STX6: variants seen among roughly 807,000 people sequenced by gnomAD.
STX6 encodes the protein syntaxin 6, also known as syntaxin-6.
In STX6, 23 loss-of-function variants were observed where a neutral mutation model predicts 38.0. That is an observed-to-expected ratio of 0.60 (90% CI 0.43 to 0.86). The LOEUF (loss-of-function observed/expected upper bound fraction) is 0.86. STX6 is among the 40% of genes least tolerant of loss of function. The pLI is 0.00. For missense variants in STX6, 274 were observed against 312.9 expected, an observed-to-expected ratio of 0.88 and a Z score of 0.94; for synonymous variants, 123 against 107.5, an observed-to-expected ratio of 1.14 and a Z score of -0.89.
intron 2 of STX6, among the ~76,000 whole-genome samples, chr1:181,004,237 G>A (rs952262435): frequency 1.3e-5 from 2 of 152,096 alleles, no homozygotes; most frequent in African/African-American, 2.4e-5. Context: ...ATGCAAATTC[G>A]GTCTCTGCCC....
At position 180,988,351 on chromosome 1, in the gene STX6, G is replaced by A. The variant is rs377732162; in HGVS notation, c.490-6C>T. The A allele has an allele frequency of 1.2e-6, 2 of 1,609,360 alleles. No individual in the cohort carries two copies. The highest frequency in any genetic ancestry group is 1.7e-6 in the Non-Finnish European group (2 of 1,176,248). On this transcript the variant is annotated splice_region_variant and splice_polypyrimidine_tract_variant and intron_variant, in intron 5 of 7. Transcript: ENST00000258301. Reference sequence around the variant, plus strand: ...TCCTGCTGTTCCACGATCAACTGGTGCCAGAGAAATGGGAAATAAGCAATT... The same window carrying A: ...TCCTGCTGTTCCACGATCAACTGGTACCAGAGAAATGGGAAATAAGCAATT...
At chr1:181,004,873 G>T (rs1343784550) in intron 2 of STX6, among the ~76,000 whole-genome samples, 1 of 151,496 alleles carries the variant, frequency 6.6e-6, no homozygotes, top group Non-Finnish European at 1.5e-5. Flanking sequence ...CTCTTAACCT[G>T]TGGACCTGAT....
chr1:180,994,781 CAAT>C (rs1655855082), intron 3 of STX6, among the ~76,000 whole-genome samples: 1 of 152,020 alleles, frequency 6.6e-6, no homozygotes, highest in African/African-American at 2.4e-5. Flanking sequence ...TATAGTTCAA[CAAT>C]AATCTATCGT....
rs1166691967 is a variant in STX6, at chr1:180,996,318, ATACTAGGCATTATG to A, written c.301-2907_301-2894del. ...CACAATCCACACAATGCAGTATTATATACTAGGCATTATGTACTAGGCATTGTGCTTATGAAGAG... is the reference window on the plus strand; with the variant it reads ...CACAATCCACACAATGCAGTATTATATACTAGGCATTGTGCTTATGAAGAG... On this transcript the variant is annotated intron_variant, in intron 3 of 7. Coordinates refer to ENST00000258301, the MANE Select transcript of STX6 (RefSeq NM_005819.6). 1.6e-4 allele frequency among the ~76,000 whole-genome samples: 24 copies of A among 151,600 alleles called. No homozygotes were observed. In the East Asian group the frequency reaches 4.6e-3, roughly 29 times the overall value.
At chr1:181,011,682 G>A (rs1009738922) in intron 1 of STX6, among the ~76,000 whole-genome samples, 2 of 152,198 alleles carry the variant, frequency 1.3e-5, no homozygotes, top group Non-Finnish European at 2.9e-5. Flanking sequence ...AGATTTGTGA[G>A]GGTTTTTATA....
chr1:181,012,440 A>G (rs894108636), intron 1 of STX6, among the ~76,000 whole-genome samples: 3 of 152,070 alleles, frequency 2.0e-5, no homozygotes, highest in South Asian at 2.1e-4. Flanking sequence ...CTGTCTACAA[A>G]ACAGCCCATC....
At chr1:181,020,443 C>A (rs926689958) in intron 1 of STX6, among the ~76,000 whole-genome samples, 2 of 152,044 alleles carry the variant, frequency 1.3e-5, no homozygotes, top group Non-Finnish European at 2.9e-5. Flanking sequence ...TATTTTACTG[C>A]GGCTACTAGA....
At chr1:180,984,089 A>AAAAAAAAAAAAAC (rs141306282) in intron 7 of STX6, among the ~76,000 whole-genome samples, 1 of 97,016 alleles carries the variant, frequency 1.0e-5, no homozygotes, top group Non-Finnish European at 2.5e-5. Flanking sequence ...AAAAAAAAAA[A>AAAAAAAAAAAAAC]ACACAACGAA....
At chr1:180,990,340 G>T (rs1655720329) in intron 4 of STX6, among the ~76,000 whole-genome samples, 1 of 152,144 alleles carries the variant, frequency 6.6e-6, no homozygotes. Flanking sequence ...AATGGGCTTT[G>T]TCCCCTTAAA....
intron 1 of STX6, among the ~76,000 whole-genome samples, chr1:181,009,865 A>G (rs889741254): frequency 3.3e-5 from 5 of 150,970 alleles, no homozygotes; most frequent in African/African-American, 9.9e-5. Flanking sequence ...ACTGTAGTAT[A>G]TATGTATAAC....
chr1:181,008,104 T>C (rs1052885533), intron 1 of STX6, among the ~76,000 whole-genome samples: 3 of 152,224 alleles, frequency 2.0e-5, no homozygotes, highest in Non-Finnish European at 4.4e-5. Context: ...ATACCAAAAC[T>C]TGACAACTGG....
Position 180,981,222 on chromosome 1 carries a change from G to A in STX6, c.691+3455C>T, listed in dbSNP as rs556510582. On this transcript the variant is annotated intron_variant, in intron 7 of 7. Coordinates refer to ENST00000258301, the MANE Select transcript of STX6 (RefSeq NM_005819.6). ...TTAGCGTAGGCTGATTGTAACAAACGTACCACCGTGATGCTTGATGTCAAT... is the reference window on the plus strand; with the variant it reads ...TTAGCGTAGGCTGATTGTAACAAACATACCACCGTGATGCTTGATGTCAAT... Among the ~76,000 whole-genome samples the A allele has an allele frequency of 3.9e-5, 6 of 152,104 alleles. No homozygotes were observed. In the East Asian group the frequency reaches 7.7e-4, roughly 20 times the overall value.
At chr1:181,018,492 ATTTGTAATAAATATAT>A (rs1656633538) in intron 1 of STX6, among the ~76,000 whole-genome samples, 1 of 149,564 alleles carries the variant, frequency 6.7e-6, no homozygotes, top group African/African-American at 2.4e-5. Flanking sequence ...TATAATATAT[ATTTGTAATAAATATAT>A]AAATCCTGGC....
intron 1 of STX6, among the ~76,000 whole-genome samples, chr1:181,006,093 T>TA (rs1656218078): frequency 2.0e-5 from 3 of 152,132 alleles, no homozygotes; most frequent in African/African-American, 7.2e-5. Context: ...GAGGGAGTCT[T>TA]ACTCTTTTGC....
intron 7 of STX6, among the ~76,000 whole-genome samples, chr1:180,978,086 C>T (rs889429381): frequency 3.3e-5 from 5 of 152,214 alleles, no homozygotes; most frequent in African/African-American, 1.2e-4. Flanking sequence ...TTAACTATTA[C>T]TTCAATGGTC....
chr1:181,001,754 TAA>T (rs905585361), intron 3 of STX6, among the ~76,000 whole-genome samples: 4 of 152,172 alleles, frequency 2.6e-5, no homozygotes, highest in Admixed American at 2.0e-4. Flanking sequence ...CACTAAGAAA[TAA>T]AAAGTGAGAA....
chr1:181,002,317 T>C (rs979805896), intron 3 of STX6, among the ~76,000 whole-genome samples: 1 of 151,948 alleles, frequency 6.6e-6, no homozygotes, highest in Non-Finnish European at 1.5e-5. Flanking sequence ...GCCCAGCTAA[T>C]TTTTATATTT....
At chr1:181,019,368 A>C (rs75724542) in intron 1 of STX6, among the ~76,000 whole-genome samples, 4 of 152,064 alleles carry the variant, frequency 2.6e-5, no homozygotes, top group Admixed American at 2.6e-4. Context: ...AAAAAAAAAA[A>C]ACAGTCCCAA....
intron 1 of STX6, among the ~76,000 whole-genome samples, chr1:181,016,963 T>C (rs1656575653): frequency 1.3e-5 from 2 of 151,930 alleles, no homozygotes; most frequent in African/African-American, 4.8e-5. Context: ...GGCGGGCTAC[T>C]CGGGAGGCAG....
Sources: gnomAD v4.1 joint callset for allele counts (sites outside exome capture counted in the v4.1 genomes callset) on GRCh38, gnomAD v4.1.1 for gene constraint, MANE v1.5 for transcripts, NCBI Gene and HGNC (gene_info 2026-07-23, HGNC 2026-07-21) for gene names.